TDRD1: variants seen among roughly 807,000 people sequenced by gnomAD.
The protein encoded by TDRD1 is tudor domain containing 1.
TDRD1 carries 37 observed loss-of-function variants against 140.6 expected under a neutral mutation model. That is an observed-to-expected ratio of 0.26 (90% confidence interval 0.20 to 0.35). The LOEUF (loss-of-function observed/expected upper bound fraction) is 0.35. Ranked by LOEUF, TDRD1 falls within the 10% of genes least tolerant of loss-of-function variation. The pLI is 1.00. For synonymous variants in TDRD1, 506 were observed against 475.7 expected (o/e 1.06, Z -0.83); for missense variants, 1,243 against 1,393.0 (o/e 0.89, Z 1.71).
rs529188690 is a variant in TDRD1 at position 114,217,407 on chromosome 10, G to A, written c.2213-138G>A. On this transcript the variant is annotated intron_variant, in intron 16 of 25. Transcript: ENST00000251864. ...CCCAGTAGTTTTTTAATAAGGAAAA[G>A]CATTGGGTAGACTTAATAGTAGTTT... 146 of 499,232 alleles carry A rather than the reference G, an allele frequency of 2.9e-4. 1 individual carries two copies. In the South Asian group the frequency reaches 5.0e-3, roughly 17 times the overall value. 30.9% of individuals were successfully genotyped at this position (499,232 alleles called of 1,614,324 possible). A position where few individuals can be genotyped will look rare whatever the true frequency, so the allele number is the denominator to read the frequency against.
At chr10:114,183,620 CAG>C (rs944463476) in intron 1 of TDRD1, among the ~76,000 whole-genome samples, 1 of 151,244 alleles carries the variant, frequency 6.6e-6, no homozygotes, top group Admixed American at 6.6e-5. Context: ...GCCATTCTAA[CAG>C]ACATTTTACG....
At chr10:114,192,374 G>A (rs1355748177) in intron 3 of TDRD1, among the ~76,000 whole-genome samples, 1 of 142,462 alleles carries the variant, frequency 7.0e-6, no homozygotes, top group Non-Finnish European at 1.5e-5. Flanking sequence ...CGCGATCTCG[G>A]CTCACTGCAA....
At chr10:114,189,782 A>G (rs2033822752) in intron 2 of TDRD1, among the ~76,000 whole-genome samples, 1 of 152,230 alleles carries the variant, frequency 6.6e-6, no homozygotes, top group Non-Finnish European at 1.5e-5. Flanking sequence ...TTGCTATTGC[A>G]TAATGAAATG....
chr10:114,219,048 A>G (rs2035980217), intron 18 of TDRD1, among the ~76,000 whole-genome samples: 1 of 152,230 alleles, frequency 6.6e-6, no homozygotes, highest in African/African-American at 2.4e-5. Flanking sequence ...TGTTGGGAGG[A>G]TTAAATGAAG....
At chr10:114,187,932 A>G (rs775015965) in exon 2 of TDRD1, 4 of 1,613,624 alleles carry the variant, frequency 2.5e-6, no homozygotes, top group South Asian at 2.2e-5. Flanking sequence ...AATGAAAACA[A>G]GCTTCCACCA....
At chr10:114,193,823 A>C (rs769629733) in intron 3 of TDRD1, among the ~76,000 whole-genome samples, 2 of 152,226 alleles carry the variant, frequency 1.3e-5, no homozygotes, top group Non-Finnish European at 2.9e-5. Flanking sequence ...TTTTACCATT[A>C]AGTTTAGATG....
At chr10:114,175,849 T>C (rs1458505482), upstream of TDRD1, among the ~76,000 whole-genome samples, 1 of 152,204 alleles carries the variant, frequency 6.6e-6, no homozygotes, top group Admixed American at 6.5e-5. Context: ...TTTTTTTTAA[T>C]GTCATTGACC....
At chr10:114,194,783 A>T (rs1442741308) in intron 3 of TDRD1, among the ~76,000 whole-genome samples, 2 of 145,884 alleles carry the variant, frequency 1.4e-5, no homozygotes, top group Admixed American at 6.8e-5. Context: ...TTATTAGACA[A>T]GGTCTCCCTC....
chr10:114,181,251 A>G (rs1564927989), intron 1 of TDRD1, among the ~76,000 whole-genome samples: 1 of 152,388 alleles, frequency 6.6e-6, no homozygotes, highest in East Asian at 1.9e-4. Flanking sequence ...CTGAATCAAC[A>G]TTTAATTACT....
At chr10:114,207,774 G>A (rs899853614) in intron 11 of TDRD1, among the ~76,000 whole-genome samples, 1 of 151,998 alleles carries the variant, frequency 6.6e-6, no homozygotes, top group Admixed American at 6.6e-5. Context: ...CCAGGAGGGG[G>A]AGTCATCAGT....
At chr10:114,205,040 A>C (rs2035011396) in intron 10 of TDRD1, 147 bp downstream of exon 10, 2 of 608,926 alleles carry the variant, frequency 3.3e-6, no homozygotes, top group Non-Finnish European at 5.1e-6. Flanking sequence ...TGAAATTGGC[A>C]GTTTGTCAAA....
At chr10:114,209,937 T>C (rs576277142) in intron 11 of TDRD1, among the ~76,000 whole-genome samples, 44 of 152,356 alleles carry the variant, frequency 2.9e-4, no homozygotes, top group African/African-American at 1.0e-3. Context: ...TCTCTAAGTC[T>C]TGATGCTAAA....
At chr10:114,212,351 A>T (rs2035539406) in intron 14 of TDRD1, among the ~76,000 whole-genome samples, 1 of 152,170 alleles carries the variant, frequency 6.6e-6, no homozygotes, top group South Asian at 2.1e-4. Flanking sequence ...TCCTTAGGCT[A>T]CATTCCCACA....
At position 114,228,382 on chromosome 10, in the gene TDRD1, G is replaced by A; in HGVS notation, c.3538+257G>A. The stretch of plus-strand genomic sequence containing the variant: ...AATAGCCTTTCCTTACTGTTGTTTG[G>A]TTCTGTGAATGCCTATGTTATTGAT... On this transcript the variant is annotated intron_variant, in intron 25 of 25. Coordinates refer to ENST00000251864, the Ensembl canonical transcript of TDRD1. 5.8e-6 allele frequency: 7 copies of A among 1,207,048 alleles called. No individual in the cohort carries two copies. The South Asian group carries it at 1.7e-4, about 29-fold the overall frequency. 74.8% of individuals were successfully genotyped at this position (1,207,048 alleles called of 1,614,324 possible).
At chr10:114,191,886 G>A (rs564320386) in intron 3 of TDRD1, among the ~76,000 whole-genome samples, 64 of 152,324 alleles carry the variant, frequency 4.2e-4, no homozygotes, top group African/African-American at 1.5e-3. Context: ...ATTTGGTGGT[G>A]TAGGTATTTT....
rs191460804 is a variant in TDRD1 at position 114,214,934 on chromosome 10, G to T, written c.2212+820G>T. Among the ~76,000 whole-genome samples the T allele has an allele frequency of 1.6e-4, 24 of 151,984 alleles. No homozygotes were observed. In the East Asian group the frequency reaches 4.3e-3, roughly 27 times the overall value. On this transcript the variant is annotated intron_variant, in intron 16 of 25. Coordinates refer to ENST00000251864, the Ensembl canonical transcript of TDRD1. ...TTTTTTGTATTTTTAATAAAGGTGG[G>T]GTTTCACCGTGTTAGCCAGGATGGT... is the stretch of plus-strand genomic sequence containing the variant.
At chr10:114,201,634 A>G in intron 5 of TDRD1, 119 bp downstream of exon 5, 1 of 721,614 alleles carries the variant, frequency 1.4e-6, no homozygotes, top group Non-Finnish European at 2.2e-6. Context: ...TAAGCTCTAT[A>G]ACAAAGTGTA....
rs560020733 is a variant in TDRD1 at position 114,195,898 on chromosome 10, T to A, written c.385-3275T>A. On this transcript the variant is annotated intron_variant, in intron 3 of 25. Coordinates refer to ENST00000251864, the Ensembl canonical transcript of TDRD1. ...TTTATCCAGTGTTTTCAAGTGTGTATCTTTGTATACCTTTTCCAGTGGTTG... is the reference window on the plus strand; with the variant it reads ...TTTATCCAGTGTTTTCAAGTGTGTAACTTTGTATACCTTTTCCAGTGGTTG... Among the ~76,000 whole-genome samples, 4 of 152,326 alleles carry A rather than the reference T, an allele frequency of 2.6e-5. No homozygotes were observed. In the East Asian group the frequency reaches 7.7e-4, roughly 29 times the overall value.
chr10:114,217,944 G>A (rs2035916236), intron 17 of TDRD1, among the ~76,000 whole-genome samples: 2 of 152,036 alleles, frequency 1.3e-5, no homozygotes, highest in Non-Finnish European at 2.9e-5. Context: ...CAGGTTCATT[G>A]TTTCTTCTGG....
Sources: gnomAD v4.1 joint callset for allele counts (sites outside exome capture counted in the v4.1 genomes callset) on GRCh38, gnomAD v4.1.1 for gene constraint, MANE v1.5 for transcripts, NCBI Gene and HGNC (gene_info 2026-07-23, HGNC 2026-07-21) for gene names.